Variants in CTNND2 observed in about 807,000 individuals in gnomAD.
CTNND2 encodes the protein catenin delta-2.
In CTNND2, 22 loss-of-function variants were observed where a neutral mutation model predicts 144.4. The ratio of observed to expected loss-of-function variants is 0.15; its 90% CI spans 0.11 to 0.22. The LOEUF (loss-of-function observed/expected upper bound fraction) is 0.22, where lower values mean the gene tolerates loss of function less well. Ranked by LOEUF, CTNND2 falls within the 10% of genes least tolerant of loss-of-function variation. The probability of loss-of-function intolerance (pLI) is 1.00; values close to 1 mark genes in which losing one functional copy is unlikely to be tolerated. For missense variants in CTNND2, 1,353 were observed against 1,618.8 expected, an observed-to-expected ratio of 0.84 and a Z score of 2.82; for synonymous variants, 751 against 695.6, an observed-to-expected ratio of 1.08 and a Z score of -1.25.
chr5:11,729,368 A>G (rs1364652551), intron 2 of CTNND2, among the ~76,000 whole-genome samples: 2 of 152,294 alleles, frequency 1.3e-5, no homozygotes, highest in Non-Finnish European at 2.9e-5. Flanking sequence ...CAATATTAAT[A>G]GTTTGATTTG....
At chr5:11,009,414 T>G (rs544579198) in intron 18 of CTNND2, among the ~76,000 whole-genome samples, 6 of 152,276 alleles carry the variant, frequency 3.9e-5, no homozygotes, top group South Asian at 4.1e-4. Flanking sequence ...GGAGAAGAGA[T>G]GGAGCTGGGA....
intron 10 of CTNND2, among the ~76,000 whole-genome samples, chr5:11,214,414 C>CAT (rs1305515472): frequency 6.6e-6 from 1 of 152,006 alleles, no homozygotes; most frequent in Non-Finnish European, 1.5e-5. Context: ...TTGTTTATTG[C>CAT]ATACAATTTT....
At chr5:11,664,264 A>G (rs1467371290) in intron 2 of CTNND2, among the ~76,000 whole-genome samples, 1 of 152,156 alleles carries the variant, frequency 6.6e-6, no homozygotes. Flanking sequence ...AAACATTAAG[A>G]GTTTTCAGGG....
intron 1 of CTNND2, among the ~76,000 whole-genome samples, chr5:11,806,992 T>C (rs1006776194): frequency 6.6e-6 from 1 of 152,134 alleles, no homozygotes. Context: ...CTCAAGTTGC[T>C]AATGGGTGTG....
intron 1 of CTNND2, among the ~76,000 whole-genome samples, chr5:11,757,639 T>A (rs1789026208): frequency 6.6e-6 from 1 of 151,982 alleles, no homozygotes; most frequent in South Asian, 2.1e-4. Context: ...TCATTTAAAT[T>A]TTTAATAATC....
intron 3 of CTNND2, among the ~76,000 whole-genome samples, chr5:11,475,866 G>T (rs1250882395): frequency 6.6e-6 from 1 of 151,900 alleles, no homozygotes; most frequent in Admixed American, 6.6e-5. Flanking sequence ...TTGTTTGTTT[G>T]TTTTTCTTTT....
intron 1 of CTNND2, among the ~76,000 whole-genome samples, chr5:11,855,145 G>C (rs905492545): frequency 2.6e-5 from 4 of 152,190 alleles, no homozygotes; most frequent in Non-Finnish European, 5.9e-5. Context: ...CCTTAAACCA[G>C]GGATTAGCTG....
chr5:11,763,141 A>C (rs1412584649), intron 1 of CTNND2, among the ~76,000 whole-genome samples: 1 of 152,092 alleles, frequency 6.6e-6, no homozygotes, highest in Non-Finnish European at 1.5e-5. Flanking sequence ...AAGATGGTAC[A>C]TGCTTCCCCT....
intron 6 of CTNND2, among the ~76,000 whole-genome samples, chr5:11,387,465 C>T (rs1031451564): frequency 6.6e-6 from 1 of 152,078 alleles, no homozygotes; most frequent in African/African-American, 2.4e-5. Flanking sequence ...CCAGAGCAGG[C>T]AAATGCTGTT....
At chr5:11,777,952 A>T (rs973084913) in intron 1 of CTNND2, among the ~76,000 whole-genome samples, 2 of 152,166 alleles carry the variant, frequency 1.3e-5, no homozygotes, top group African/African-American at 4.8e-5. Flanking sequence ...TCCCAGAATA[A>T]AAGATTTTTT....
At chr5:11,883,643 G>A (rs534048403) in intron 1 of CTNND2, among the ~76,000 whole-genome samples, 54 of 152,258 alleles carry the variant, frequency 3.5e-4, no homozygotes, top group African/African-American at 1.2e-3. Context: ...ATAAACATAC[G>A]TGTGCAAGTG....
At position 11,551,432 on chromosome 5, in the gene CTNND2, C is replaced by CTT. The variant is rs70949326; in HGVS notation, c.287+13510_287+13511dup. On this transcript the variant is annotated intron_variant, in intron 3 of 21. Transcript: ENST00000304623. ...AGCATATTTATGCTTTTTCTTTTTT[C>CTT]TTTTTTTTTTTTTTTTTTTTTGATA... is the stretch of plus-strand genomic sequence containing the variant. Among the ~76,000 whole-genome samples, 299 of 100,898 alleles carry CTT rather than the reference C, an allele frequency of 3.0e-3. 13 individuals are homozygous for CTT. The highest frequency in any genetic ancestry group is 0.01 in the African/African-American group (289 of 27,640). The allele number at this position is 100,898 out of a possible 152,430, so 66.2% of individuals were successfully genotyped here. A position where few individuals can be genotyped will look rare whatever the true frequency, so the allele number is the denominator to read the frequency against.
intron 2 of CTNND2, among the ~76,000 whole-genome samples, chr5:11,681,019 G>A (rs1784401626): frequency 6.6e-6 from 1 of 152,120 alleles, no homozygotes; most frequent in African/African-American, 2.4e-5. Flanking sequence ...GGGCTGGGCT[G>A]CTGATGCCAA....
chr5:11,652,865 T>C (rs769522842), intron 2 of CTNND2, among the ~76,000 whole-genome samples: 6 of 152,180 alleles, frequency 3.9e-5, no homozygotes, highest in Non-Finnish European at 7.3e-5. Context: ...TTGACCTATA[T>C]CTTCCCATTG....
intron 9 of CTNND2, among the ~76,000 whole-genome samples, chr5:11,297,528 T>C (rs1007527857): frequency 6.6e-6 from 1 of 152,188 alleles, no homozygotes; most frequent in Non-Finnish European, 1.5e-5. Context: ...AAATAAAATA[T>C]TTACATCAAT....
At chr5:11,374,943 A>G (rs555801278) in intron 7 of CTNND2, among the ~76,000 whole-genome samples, 2 of 152,194 alleles carry the variant, frequency 1.3e-5, no homozygotes, top group East Asian at 3.9e-4. Context: ...CTGCCCATCA[A>G]AGGGGTACAG....
chr5:11,389,819 T>C (rs1759467219), intron 6 of CTNND2, among the ~76,000 whole-genome samples: 1 of 150,268 alleles, frequency 6.7e-6, no homozygotes, highest in Non-Finnish European at 1.5e-5. Context: ...CAGTAGAAAA[T>C]TCTACACCTG....
In CTNND2 at chr5:11,656,930, C is replaced by T. The variant is rs115456587; in HGVS notation, c.174+75206G>A. 4.2e-3 allele frequency among the ~76,000 whole-genome samples: 643 copies of T among 152,152 alleles called. 5 individuals are homozygous for T. The highest frequency in any genetic ancestry group is 0.015 in the African/African-American group (609 of 41,532). On this transcript the variant is annotated intron_variant, in intron 2 of 21. Transcript: ENST00000304623. ...GCACAGGTGAGAACTTGGCCCTCTGCGTATCATTCAACAAACGCTCTAAGG... is the reference window on the plus strand; with the variant it reads ...GCACAGGTGAGAACTTGGCCCTCTGTGTATCATTCAACAAACGCTCTAAGG...
chr5:11,150,328 G>A (rs1757629185), intron 12 of CTNND2, among the ~76,000 whole-genome samples: 1 of 152,174 alleles, frequency 6.6e-6, no homozygotes, highest in Admixed American at 6.5e-5. Flanking sequence ...TTCTCTACTG[G>A]CCCGCACAGT....
Sources: allele counts gnomAD v4.1 joint callset (sites outside exome capture counted in the v4.1 genomes callset), GRCh38; gene constraint gnomAD v4.1.1; transcripts MANE v1.5; gene names NCBI Gene and HGNC (gene_info 2026-07-23, HGNC 2026-07-21).